The following CALD1 variants were observed in gnomAD, a reference collection of about 807,000 sequenced individuals.
CALD1 encodes the protein caldesmon 1.
Under a neutral mutation model 99.9 loss-of-function variants are expected in CALD1, and 33 were observed. That is an observed-to-expected ratio of 0.33 (90% CI 0.25 to 0.44). CALD1 has a LOEUF of 0.44. CALD1 is among the 20% of genes least tolerant of loss of function. The pLI, the probability that CALD1 is intolerant of heterozygous loss-of-function variation, is 1.00. For synonymous variants in CALD1, 310 were observed against 325.0 expected (o/e 0.95, Z 0.50); for missense variants, 861 against 962.1 (o/e 0.89, Z 1.39).
chr7:134,932,180 A>AG (rs1805570945), intron 4 of CALD1, among the ~76,000 whole-genome samples: 1 of 152,130 alleles, frequency 6.6e-6, no homozygotes. Flanking sequence ...AAGAAGGGAG[A>AG]GGGTGCAAAT....
intron 2 of CALD1, among the ~76,000 whole-genome samples, chr7:134,866,140 G>A (rs943215412): frequency 4.6e-5 from 7 of 152,158 alleles, no homozygotes; most frequent in African/African-American, 1.4e-4. Context: ...CAGAACAGGA[G>A]CCTACCCCAG....
At position 134,928,855 on chromosome 7, in the gene CALD1, C is replaced by A. The variant is rs1805267091; in HGVS notation, c.173C>A (p.Ser58Tyr). The change falls in exon 4 of 15, where the codon TCC becomes TAC. Residue 58 changes from serine (S) to tyrosine (Y), a missense_variant. This residue lies in a region of CALD1 where 123 missense variants were observed against 169.8 expected (regional missense o/e 0.72). Transcript: ENST00000361675. ...CTGCGGCAGAAGCAGGAGGAAGAAT[C>A]CTTGGGACAGGTGACCGACCAGGTG... Reference protein sequence around the residue: ...ERLRQKQEEESLGQVTDQVEV... With the variant: ...ERLRQKQEEEYLGQVTDQVEV... 1 of 1,613,788 alleles carries A rather than the reference C, an allele frequency of 6.2e-7. No individual in the cohort carries two copies. The highest frequency in any genetic ancestry group is 1.3e-5 in the African/African-American group (1 of 74,912).
intron 1 of CALD1, among the ~76,000 whole-genome samples, chr7:134,764,488 T>C (rs140198845): frequency 2.3e-4 from 35 of 152,332 alleles, no homozygotes; most frequent in Admixed American, 4.6e-4. Context: ...TAGGGCTTAA[T>C]AGAGTAACAC....
intron 3 of CALD1, among the ~76,000 whole-genome samples, chr7:134,922,953 C>A (rs370191415): frequency 3.3e-5 from 5 of 152,186 alleles, no homozygotes; most frequent in East Asian, 1.9e-4. Flanking sequence ...AACACCAGGG[C>A]CCTTAAGCAA....
intron 1 of CALD1, among the ~76,000 whole-genome samples, chr7:134,763,756 A>G (rs1796799178): frequency 6.6e-6 from 1 of 151,996 alleles, no homozygotes; most frequent in African/African-American, 2.4e-5. Flanking sequence ...CGTCTCTACT[A>G]AAAATACAAA....
chr7:134,923,731 T>C (rs1457401062), intron 3 of CALD1, among the ~76,000 whole-genome samples: 1 of 152,258 alleles, frequency 6.6e-6, no homozygotes, highest in Non-Finnish European at 1.5e-5. Context: ...TCCTGTGTAC[T>C]TGTCTTTTTG....
intron 7 of CALD1, among the ~76,000 whole-genome samples, chr7:134,946,174 A>C (rs912936643): frequency 2.6e-5 from 4 of 152,128 alleles, no homozygotes; most frequent in African/African-American, 9.7e-5. Flanking sequence ...ACTGTAGATG[A>C]TATAGAAATT....
At chr7:134,902,452 G>A (rs1213370908) in intron 3 of CALD1, among the ~76,000 whole-genome samples, 2 of 152,018 alleles carry the variant, frequency 1.3e-5, no homozygotes, top group Non-Finnish European at 2.9e-5. Context: ...TGTTTTTCCT[G>A]AATCTGAAGG....
In CALD1 at chr7:134,968,534, A is replaced by C. The variant is rs1037756316; in HGVS notation, c.*189A>C. On this transcript the variant is annotated 3_prime_UTR_variant, in exon 15 of 15. Transcript: ENST00000361675. The stretch of plus-strand genomic sequence containing the variant: ...TCACAGTCTAGAGATGTTCATGGTA[A>C]AAGTACTGCCTTTGCACAGGAGCCT... The C allele has an allele frequency of 2.8e-6, 2 of 714,798 alleles. No individual in the cohort carries two copies. The highest frequency in any genetic ancestry group is 4.0e-5 in the Admixed American group (2 of 49,898). 44.3% of individuals were successfully genotyped at this position (714,798 alleles called of 1,614,324 possible).
At chr7:134,879,192 C>T (rs1801484028) in intron 3 of CALD1, among the ~76,000 whole-genome samples, 1 of 152,166 alleles carries the variant, frequency 6.6e-6, no homozygotes, top group South Asian at 2.1e-4. Flanking sequence ...CTAAATGGTG[C>T]TGCAAGAAAG....
chr7:134,857,158 CTTTTTT>C (rs59210460), intron 2 of CALD1, among the ~76,000 whole-genome samples: 3 of 75,366 alleles, frequency 4.0e-5, no homozygotes, highest in Non-Finnish European at 5.0e-5. Context: ...TTGCGCTATT[CTTTTTT>C]TTTTTTTTTT....
intron 3 of CALD1, among the ~76,000 whole-genome samples, chr7:134,871,609 A>G (rs1477571828): frequency 6.6e-6 from 1 of 152,182 alleles, no homozygotes; most frequent in Non-Finnish European, 1.5e-5. Flanking sequence ...GTTCATACTT[A>G]TTAGAGATGA....
the CALD1 span, among the ~76,000 whole-genome samples, chr7:134,716,420 ACT>A: frequency 6.6e-6 from 1 of 152,264 alleles, no homozygotes; most frequent in South Asian, 2.1e-4. Context: ...AGTGGACAAG[ACT>A]CTGTGTTGCT....
At chr7:134,808,778 G>A (rs2131902721) in intron 1 of CALD1, among the ~76,000 whole-genome samples, 1 of 152,266 alleles carries the variant, frequency 6.6e-6, no homozygotes, top group South Asian at 2.1e-4. Context: ...ATCAATCTTA[G>A]GCTTTCTGGA....
chr7:134,904,935 T>C (rs1803261793), intron 3 of CALD1, among the ~76,000 whole-genome samples: 4 of 152,000 alleles, frequency 2.6e-5, no homozygotes, highest in South Asian at 2.1e-4. Flanking sequence ...AAGAAAGAGA[T>C]AGAGAAAATA....
chr7:134,724,192 C>T, the CALD1 span, among the ~76,000 whole-genome samples: 1 of 152,206 alleles, frequency 6.6e-6, no homozygotes, highest in Admixed American at 6.5e-5. Flanking sequence ...TCCAGCCCCT[C>T]ACCAAGGCGT....
intron 13 of CALD1, 105 bp from the exon 14 acceptor site, chr7:134,965,201 A>G: frequency 1.4e-6 from 1 of 720,450 alleles, no homozygotes; most frequent in Non-Finnish European, 2.6e-6. Flanking sequence ...AGTGTATTAA[A>G]CAACAAACTG....
At chr7:134,961,983 T>C (rs1369699570) in intron 13 of CALD1, 1 of 151,966 alleles carries the variant, frequency 6.6e-6, no homozygotes, top group African/African-American at 2.4e-5. Context: ...TCCCCCAAAA[T>C]ATACATATAA....
intron 13 of CALD1, chr7:134,962,507 G>C: frequency 8.7e-6 from 2 of 229,992 alleles, no homozygotes. Context: ...AGTTAGTATA[G>C]ATTTTAGTGA....
Sources: gnomAD v4.1 joint callset for allele counts (sites outside exome capture counted in the v4.1 genomes callset) on GRCh38, gnomAD v4.1.1 for gene constraint, gnomAD v4.1.1 regional missense constraint, MANE v1.5 for transcripts, NCBI Gene and HGNC (gene_info 2026-07-23, HGNC 2026-07-21) for gene names.